GLRX3: variants seen among roughly 807,000 people sequenced by gnomAD.
GLRX3 encodes the protein glutaredoxin 3.
GLRX3 carries 22 observed loss-of-function variants against 49.5 expected under a neutral mutation model. The ratio of observed to expected loss-of-function variants is 0.44; its 90% CI spans 0.32 to 0.63. GLRX3 has a LOEUF of 0.63. GLRX3 is among the 30% of genes least tolerant of loss of function. GLRX3 has a pLI of 0.05. For synonymous variants in GLRX3, 133 were observed against 140.0 expected, an observed-to-expected ratio of 0.95 and a Z score of 0.35; for missense variants, 385 against 396.3, an observed-to-expected ratio of 0.97 and a Z score of 0.24.
intron 5 of GLRX3, 107 bp downstream of exon 5, chr10:130,166,786 C>A: frequency 1.1e-6 from 1 of 944,478 alleles, no homozygotes; most frequent in Non-Finnish European, 1.7e-6. Flanking sequence ...TCTATATTTA[C>A]TAATAAGAAC....
chr10:130,176,114 T>C (rs1346456112), intron 10 of GLRX3, among the ~76,000 whole-genome samples: 2 of 148,658 alleles, frequency 1.3e-5, no homozygotes, highest in Non-Finnish European at 3.0e-5. Flanking sequence ...AAATAAAAGT[T>C]TTTTTTTTTT....
chr10:130,164,404 T>C (rs987484378), intron 4 of GLRX3, among the ~76,000 whole-genome samples: 2 of 152,214 alleles, frequency 1.3e-5, no homozygotes, highest in African/African-American at 2.4e-5. Flanking sequence ...TGAGGCATAG[T>C]CAGATATTCC....
chr10:130,171,455 TG>T, intron 7 of GLRX3, 128 bp from the exon 8 acceptor site: 1 of 672,938 alleles, frequency 1.5e-6, no homozygotes, highest in Non-Finnish European at 2.7e-6. Context: ...GCAGAAGCTC[TG>T]GGAGCTGAGT....
downstream of GLRX3, among the ~76,000 whole-genome samples, chr10:130,179,882 G>C (rs1237641113): frequency 6.6e-6 from 1 of 152,170 alleles, no homozygotes; most frequent in Non-Finnish European, 1.5e-5. Context: ...TGCTGAGCTC[G>C]GCACTGGTTA....
intron 7 of GLRX3, among the ~76,000 whole-genome samples, chr10:130,169,836 T>G (rs1292879626): frequency 6.6e-6 from 1 of 152,248 alleles, no homozygotes; most frequent in East Asian, 1.9e-4. Flanking sequence ...GTGGACTTCC[T>G]GAATGCAGGG....
At chr10:130,137,059 C>CG (rs769511473) in intron 1 of GLRX3, among the ~76,000 whole-genome samples, 3 of 152,178 alleles carry the variant, frequency 2.0e-5, no homozygotes, top group East Asian at 3.9e-4. Context: ...GGGAAGGCCC[C>CG]GTTGCATTAG....
downstream of GLRX3, chr10:130,180,309 C>T (rs1863000169): frequency 6.6e-6 from 1 of 152,084 alleles, no homozygotes; most frequent in African/African-American, 2.4e-5. Flanking sequence ...TCCCAAAGTG[C>T]TGGAATTTAC....
intron 1 of GLRX3, among the ~76,000 whole-genome samples, chr10:130,139,937 A>G (rs2134867468): frequency 6.6e-6 from 1 of 152,320 alleles, no homozygotes; most frequent in East Asian, 1.9e-4. Flanking sequence ...TCAAAAAACA[A>G]AAAGTGCCCG....
intron 6 of GLRX3, among the ~76,000 whole-genome samples, chr10:130,168,045 C>T (rs7922968): frequency 0.1 from 15,236 of 152,232 alleles, 787 homozygotes; most frequent in Middle Eastern, 0.13. Flanking sequence ...CTGCTGAGTG[C>T]ACTTGCCGCT....
At chr10:130,147,188 G>A (rs567397162) in intron 2 of GLRX3, among the ~76,000 whole-genome samples, 1 of 152,250 alleles carries the variant, frequency 6.6e-6, no homozygotes, top group East Asian at 1.9e-4. Flanking sequence ...ATAAATAATA[G>A]AAGGGGGCAT....
chr10:130,173,422 C>T (rs551999905), intron 8 of GLRX3, among the ~76,000 whole-genome samples: 1 of 152,316 alleles, frequency 6.6e-6, no homozygotes, highest in East Asian at 1.9e-4. Flanking sequence ...TTAACACGAG[C>T]AGACCATGCT....
chr10:130,158,316 G>T (rs1460175038), intron 2 of GLRX3, among the ~76,000 whole-genome samples: 1 of 151,910 alleles, frequency 6.6e-6, no homozygotes, highest in Non-Finnish European at 1.5e-5. Context: ...GGGTTCAAGC[G>T]ATTCTCCCGC....
chr10:130,141,428 A>G (rs1448055418), intron 1 of GLRX3, among the ~76,000 whole-genome samples: 3 of 152,206 alleles, frequency 2.0e-5, no homozygotes, highest in East Asian at 1.9e-4. Context: ...AATTTTCACA[A>G]TTGTATACAC....
rs528523179 is a variant in GLRX3 at position 130,179,592 on chromosome 10, C to T, written c.*200C>T. On this transcript the variant is annotated 3_prime_UTR_variant, in exon 11 of 11. Coordinates refer to ENST00000331244, the MANE Select transcript of GLRX3 (RefSeq NM_006541.5). ...ACCAAAAATAGAATGCAATAAACAT[C>T]TTCAAATTATTAACAATAATTGTAT... 1.1e-5 allele frequency: 6 copies of T among 523,828 alleles called. No homozygotes were observed. The East Asian group carries it at 1.5e-4, about 13-fold the overall frequency. 32.4% of individuals were successfully genotyped at this position (523,828 alleles called of 1,614,324 possible).
chr10:130,168,531 G>A (rs567337348), intron 6 of GLRX3, among the ~76,000 whole-genome samples: 11 of 152,142 alleles, frequency 7.2e-5, no homozygotes, highest in African/African-American at 4.8e-5. Context: ...TGCAAGCTCC[G>A]CCTCCCGGGT....
rs1409338474 is a variant in GLRX3 at position 130,170,856 on chromosome 10, G to T, written c.772-728G>T. On this transcript the variant is annotated intron_variant, in intron 7 of 10. Coordinates refer to ENST00000331244, the MANE Select transcript of GLRX3 (RefSeq NM_006541.5). ...CTGTAATGTAAAAATAAATGAGGCT[G>T]GATGCGGTAGCTCATGCCTGTAATC... 1.3e-4 allele frequency among the ~76,000 whole-genome samples: 20 copies of T among 152,050 alleles called. 1 individual carries two copies. The highest frequency in any genetic ancestry group is 1.3e-3 in the Admixed American group (20 of 15,254).
At chr10:130,150,253 AAAG>A (rs1564989920) in intron 2 of GLRX3, among the ~76,000 whole-genome samples, 3 of 150,076 alleles carry the variant, frequency 2.0e-5, no homozygotes, top group Admixed American at 6.7e-5. Context: ...AAAAAAAAAA[AAAG>A]AAAGAAAGAA....
intron 4 of GLRX3, among the ~76,000 whole-genome samples, chr10:130,164,438 C>T (rs964593575): frequency 1.3e-4 from 20 of 152,098 alleles, no homozygotes; most frequent in African/African-American, 4.6e-4. Flanking sequence ...GTCATCCAGC[C>T]GGGCTCTTAC....
At position 130,136,396 on chromosome 10, in the gene GLRX3, A is replaced by C. The variant is rs1862049307; in HGVS notation, c.-25A>C. On this transcript the variant is annotated 5_prime_UTR_variant, in exon 1 of 11. Transcript: ENST00000331244. ...GCCCACATCCGGCCGCCGGCACTGG[A>C]TTGCTTCTGTCTGGCGGCGGCAGCA... The C allele has an allele frequency of 2.4e-6, 3 of 1,247,296 alleles. No homozygotes were observed. The highest frequency in any genetic ancestry group is 3.1e-4 in the Middle Eastern group (1 of 3,250). The allele number at this position is 1,247,296 out of a possible 1,614,324, so 77.3% of individuals were successfully genotyped here.
Sources: allele counts gnomAD v4.1 joint callset (sites outside exome capture counted in the v4.1 genomes callset), GRCh38; gene constraint gnomAD v4.1.1; transcripts MANE v1.5; gene names NCBI Gene and HGNC (gene_info 2026-07-23, HGNC 2026-07-21).